TTC34: variants seen among roughly 807,000 people sequenced by gnomAD.
TTC34 encodes the protein tetratricopeptide repeat domain 34.
Under a neutral mutation model 40.7 loss-of-function variants are expected in TTC34, and 44 were observed. The ratio of observed to expected loss-of-function variants is 1.08; its 90% CI spans 0.85 to 1.39. The LOEUF is 1.39. Among genes scored for constraint, TTC34 ranks in the 40% most tolerant of loss-of-function variants. The pLI is 0.00. For synonymous variants in TTC34, 422 were observed against 398.6 expected (o/e 1.06, Z -0.70); for missense variants, 884 against 838.0 (o/e 1.05, Z -0.68).
intron 6 of TTC34, among the ~76,000 whole-genome samples, chr1:2,677,640 A>C (rs980278506): frequency 3.7e-3 from 42 of 11,216 alleles, no homozygotes; most frequent in East Asian, 8.2e-3. Flanking sequence ...AGCCTGGAAC[A>C]GCACACACAC....
rs1570807131 is a variant in TTC34, at chr1:2,684,356, C to G, written c.2227-38793G>C. 4.0e-5 allele frequency among the ~76,000 whole-genome samples: 6 copies of G among 151,170 alleles called. No homozygotes were observed. The East Asian group carries it at 5.8e-4, about 15-fold the overall frequency. On this transcript the variant is annotated intron_variant, in intron 6 of 8. Transcript: ENST00000401095. ...TGATGGTTTGCAGCAGCACCCACACCCACAGGTGAGCATCTGACAGCCTGG... is the reference window on the plus strand; with the variant it reads ...TGATGGTTTGCAGCAGCACCCACACGCACAGGTGAGCATCTGACAGCCTGG...
rs1428121376 is a variant in TTC34, at chr1:2,641,390, G to A, written c.3218C>T (p.Ser1073Phe). ...CAGTCACTGTAGCCAGCAGCCTGAG[G>A]ATGCCTCCCTCCGGATTCTGGCCTT... The change falls in exon 9 of 9, where the codon TCC becomes TTC. Residue 1073 changes from serine (S) to phenylalanine (F), a missense_variant. Transcript: ENST00000401095. 6 of 1,522,452 alleles carry A rather than the reference G, an allele frequency of 3.9e-6. 1 individual carries two copies. In the Admixed American group the frequency reaches 1.0e-4, roughly 25 times the overall value. 94.3% of individuals were successfully genotyped at this position (1,522,452 alleles called of 1,614,324 possible).
chr1:2,753,315 A>T (rs1274444756), intron 6 of TTC34, among the ~76,000 whole-genome samples: 374 of 69,132 alleles, frequency 5.4e-3, no homozygotes, highest in South Asian at 9.0e-3. Context: ...AGCATCCGAC[A>T]GCCTGGAGCA....
At chr1:2,797,730 G>C (rs554295311) in intron 2 of TTC34, among the ~76,000 whole-genome samples, 1 of 152,052 alleles carries the variant, frequency 6.6e-6, no homozygotes, top group African/African-American at 2.4e-5. Context: ...GAAGGAAGAG[G>C]CAGTGAAGGG....
chr1:2,641,420 C>A lies in TTC34; in HGVS notation c.3188G>T (p.Arg1063Ile), dbSNP rs1300725393. 8 of 1,532,610 alleles carry A rather than the reference C, an allele frequency of 5.2e-6. No homozygotes were observed. The South Asian group carries it at 9.5e-5, about 18-fold the overall frequency. 94.9% of individuals were successfully genotyped at this position (1,532,610 alleles called of 1,614,324 possible). A position where few individuals can be genotyped will look rare whatever the true frequency, so the allele number is the denominator to read the frequency against. ...CTCCCTCCGGATTCTGGCCTTCAGT[C>A]TCTTCAGGCCACGGTGGTCGGGGTC... Residue 1063 changes from arginine (R) to isoleucine (I), a missense_variant, in exon 9 of 9, where the codon AGA becomes ATA. By Grantham distance (97) the Arg-to-Ile change is moderately conservative. Transcript: ENST00000401095.
chr1:2,698,560 A>AT (rs1640975353), intron 6 of TTC34, among the ~76,000 whole-genome samples: 1 of 109,548 alleles, frequency 9.1e-6, no homozygotes. Context: ...CTGGAGCAGC[A>AT]CCCACACCCC....
At chr1:2,767,881 C>A (rs980307735) in intron 6 of TTC34, among the ~76,000 whole-genome samples, 1 of 149,762 alleles carries the variant, frequency 6.7e-6, no homozygotes, top group South Asian at 2.2e-4. Context: ...GAAACAGCAC[C>A]CTCCACCACC....
intron 6 of TTC34, among the ~76,000 whole-genome samples, chr1:2,753,539 C>G (rs1443941478): frequency 3.1e-5 from 3 of 95,750 alleles, no homozygotes; most frequent in African/African-American, 1.9e-4. Flanking sequence ...ACCCACACCC[C>G]CATGTGAGCA....
chr1:2,677,707 G>A (rs959784416), intron 6 of TTC34, among the ~76,000 whole-genome samples: 1 of 136,140 alleles, frequency 7.3e-6, no homozygotes, highest in African/African-American at 2.6e-5. Context: ...ATGAGCATCT[G>A]ACAGCCTGGA....
At chr1:2,751,139 C>A (rs1641305564) in intron 6 of TTC34, among the ~76,000 whole-genome samples, 1 of 109,496 alleles carries the variant, frequency 9.1e-6, no homozygotes, top group African/African-American at 4.2e-5. Flanking sequence ...CCCAGGGGAG[C>A]ATCTGACACC....
intron 6 of TTC34, among the ~76,000 whole-genome samples, chr1:2,685,294 C>T (rs879917401): frequency 0.15 from 4,524 of 30,358 alleles, 2 homozygotes; most frequent in East Asian, 0.24. Flanking sequence ...GGTGAGCATC[C>T]CACAGCCTGG....
intron 6 of TTC34, among the ~76,000 whole-genome samples, chr1:2,698,961 C>T (rs539984686): frequency 2.0e-4 from 26 of 132,930 alleles, no homozygotes; most frequent in Non-Finnish European, 3.3e-5. Flanking sequence ...CCTGGAACAT[C>T]ACCCTGCCCC....
At chr1:2,794,393 C>T (rs577583050) in intron 2 of TTC34, among the ~76,000 whole-genome samples, 1 of 152,152 alleles carries the variant, frequency 6.6e-6, no homozygotes, top group Non-Finnish European at 1.5e-5. Flanking sequence ...ATTTTCTGTC[C>T]CTGTGGTAAA....
At chr1:2,677,602 AC>A (rs1557601740) in intron 6 of TTC34, among the ~76,000 whole-genome samples, 13 of 34,410 alleles carry the variant, frequency 3.8e-4, no homozygotes, top group Non-Finnish European at 6.2e-4. Context: ...CTGGAACAGC[AC>A]GCTGCCCCCC....
intron 6 of TTC34, among the ~76,000 whole-genome samples, chr1:2,753,341 G>T (rs1641390524): frequency 7.8e-6 from 1 of 127,470 alleles, no homozygotes. Flanking sequence ...CACACCCCCA[G>T]ACGAGCATCT....
In TTC34 at chr1:2,683,289, C is replaced by T. The variant is rs539393100; in HGVS notation, c.2227-37726G>A. On this transcript the variant is annotated intron_variant, in intron 6 of 8. Coordinates refer to ENST00000401095, the Ensembl canonical transcript of TTC34. ...CCCACACCCACAGGTGAGCATCTGA[C>T]AGCCTGGAACAGAATCCACACCCCC... is the stretch of plus-strand genomic sequence containing the variant. Among the ~76,000 whole-genome samples the T allele has an allele frequency of 2.6e-4, 37 of 143,332 alleles. 1 individual carries two copies. Among genetic ancestry groups the T allele is most frequent in the African/African-American group, 8.9e-4 (35 of 39,452 alleles). The allele number at this position is 143,332 out of a possible 152,430, so 94.0% of individuals were successfully genotyped here.
At chr1:2,773,020 C>A (rs1642521459) in intron 6 of TTC34, among the ~76,000 whole-genome samples, 1 of 151,256 alleles carries the variant, frequency 6.6e-6, no homozygotes, top group South Asian at 2.1e-4. Flanking sequence ...ACCCACACCC[C>A]CAGGCGAGCA....
At chr1:2,759,998 A>T in intron 6 of TTC34, among the ~76,000 whole-genome samples, 2 of 135,712 alleles carry the variant, frequency 1.5e-5, no homozygotes, top group Non-Finnish European at 3.1e-5. Flanking sequence ...AGAAGCACCC[A>T]CAACCACAGG....
intron 6 of TTC34, among the ~76,000 whole-genome samples, chr1:2,748,861 C>G (rs1339833535): frequency 0.31 from 808 of 2,628 alleles, 33 homozygotes; most frequent in Middle Eastern, 0.5. Flanking sequence ...GCATCTGATG[C>G]TTTGGAGCAG....
Sources: gnomAD v4.1 joint callset for allele counts (sites outside exome capture counted in the v4.1 genomes callset) on GRCh38, gnomAD v4.1.1 for gene constraint, MANE v1.5 for transcripts, NCBI Gene and HGNC (gene_info 2026-07-23, HGNC 2026-07-21) for gene names.